The following GNG4 variants were observed in gnomAD, a reference collection of about 807,000 sequenced individuals.
GNG4 encodes G protein subunit gamma 4, also known as guanine nucleotide-binding protein G(I)/G(S)/G(O) subunit gamma-4.
A neutral mutation model predicts 5.8 loss-of-function variants in GNG4; 4 were observed. The ratio of observed to expected loss-of-function variants is 0.69; its 90% CI spans 0.34 to 1.57. The LOEUF (loss-of-function observed/expected upper bound fraction) is 1.57. Ranked by LOEUF, GNG4 falls within the 40% of genes most tolerant of loss-of-function variation. The probability of loss-of-function intolerance (pLI) is 0.06; values close to 1 mark genes in which losing one functional copy is unlikely to be tolerated. For synonymous variants in GNG4, 29 were observed against 32.9 expected, an observed-to-expected ratio of 0.88 and a Z score of 0.41; for missense variants, 96 against 95.1, an observed-to-expected ratio of 1.01 and a Z score of -0.04.
At chr1:235,620,893 A>G (rs1033601872) in intron 1 of GNG4, among the ~76,000 whole-genome samples, 9 of 152,190 alleles carry the variant, frequency 5.9e-5, no homozygotes, top group Non-Finnish European at 1.2e-4. Flanking sequence ...CAGTTGTTCT[A>G]AAGACTTTTC....
intron 3 of GNG4, among the ~76,000 whole-genome samples, chr1:235,581,538 T>C (rs907598614): frequency 1.3e-5 from 2 of 150,074 alleles, no homozygotes; most frequent in African/African-American, 4.9e-5. Context: ...AAAAAAGGTG[T>C]GTATCGCCTC....
intron 3 of GNG4, among the ~76,000 whole-genome samples, chr1:235,553,501 A>G (rs1359098618): frequency 6.6e-6 from 1 of 152,218 alleles, no homozygotes; most frequent in Non-Finnish European, 1.5e-5. Flanking sequence ...AATGTTTAGA[A>G]GCCTCCAGCT....
At chr1:235,552,412 G>T (rs1379922650) in intron 3 of GNG4, among the ~76,000 whole-genome samples, 175 bp from the exon 4 acceptor site, 1 of 152,156 alleles carries the variant, frequency 6.6e-6, no homozygotes, top group African/African-American at 2.4e-5. Context: ...CTAGGAGACT[G>T]GTTCGAAGCG....
chr1:235,602,301 C>T (rs778147163), intron 1 of GNG4, among the ~76,000 whole-genome samples: 2 of 151,942 alleles, frequency 1.3e-5, no homozygotes, highest in Non-Finnish European at 2.9e-5. Flanking sequence ...AAGCTCTGGG[C>T]GTGGGAAAGT....
chr1:235,592,190 C>T (rs1687981428), intron 2 of GNG4, among the ~76,000 whole-genome samples: 1 of 152,164 alleles, frequency 6.6e-6, no homozygotes, highest in Non-Finnish European at 1.5e-5. Context: ...GGACTCAACT[C>T]TGACTGCTGC....
rs569494929 is a variant in GNG4, at chr1:235,629,600, C to CTT, written c.-123+20060_-123+20061dup. Among the ~76,000 whole-genome samples, 10 of 139,128 alleles carry CTT rather than the reference C, an allele frequency of 7.2e-5. No individual in the cohort carries two copies. The South Asian group carries it at 1.2e-3, about 16-fold the overall frequency. The allele number at this position is 139,128 out of a possible 152,430, so 91.3% of individuals were successfully genotyped here. A position where few individuals can be genotyped will look rare whatever the true frequency, so the allele number is the denominator to read the frequency against. On this transcript the variant is annotated intron_variant, in intron 1 of 3. Transcript: ENST00000391854. ...ATTTTTCTTTCTTTTTTCTTTCTTTCTTTTTTTTTTTTTTAAGATTGAGTC... is the reference window on the plus strand; with the variant it reads ...ATTTTTCTTTCTTTTTTCTTTCTTTCTTTTTTTTTTTTTTTTAAGATTGAGTC...
intron 3 of GNG4, among the ~76,000 whole-genome samples, chr1:235,554,708 G>C (rs923614141): frequency 1.3e-5 from 2 of 152,060 alleles, no homozygotes; most frequent in Non-Finnish European, 2.9e-5. Context: ...AGCCAGGCGT[G>C]GTGGCGGGTG....
At chr1:235,566,003 T>C (rs947610074) in intron 3 of GNG4, 1 of 152,200 alleles carries the variant, frequency 6.6e-6, no homozygotes, top group Non-Finnish European at 1.5e-5. Context: ...AGAGTGAGAA[T>C]TGAGAATCTG....
intron 2 of GNG4, among the ~76,000 whole-genome samples, chr1:235,585,139 T>A (rs1687728460): frequency 1.3e-5 from 2 of 151,536 alleles, no homozygotes; most frequent in Non-Finnish European, 2.9e-5. Context: ...CCTTCCTCCC[T>A]CCCTCTGGTC....
rs1256406004 is a variant in GNG4, at chr1:235,648,115, G to C, written c.-123+1547C>G. Among the ~76,000 whole-genome samples, 1 of 151,696 alleles carries C rather than the reference G, an allele frequency of 6.6e-6. No individual in the cohort carries two copies. Among genetic ancestry groups the C allele is most frequent in the Non-Finnish European group, 1.5e-5 (1 of 68,002 alleles). The stretch of plus-strand genomic sequence containing the variant: ...ATGGCCCCTTAGCTGTGCTGTTTCT[G>C]AGCCAGGCCTACATCCTCCACTGGC... On this transcript the variant is annotated intron_variant, in intron 1 of 3. Transcript: ENST00000391854. The surrounding 1 kb of genome is among the most constrained non-coding windows in gnomAD (Gnocchi z 5.0).
intron 1 of GNG4, among the ~76,000 whole-genome samples, chr1:235,600,129 T>TTTTTTTTTTTA (rs1289825136): frequency 2.5e-4 from 28 of 113,106 alleles, no homozygotes; most frequent in African/African-American, 8.5e-4. Context: ...TTTTTTTTTT[T>TTTTTTTTTTTA]AGACAGGCAG....
intron 2 of GNG4, among the ~76,000 whole-genome samples, chr1:235,589,206 T>C (rs1263043876): frequency 6.6e-6 from 1 of 152,204 alleles, no homozygotes; most frequent in Non-Finnish European, 1.5e-5. Flanking sequence ...AAAGCTATTA[T>C]TGCCCTGCTG....
chr1:235,560,587 A>T (rs948984372), intron 3 of GNG4, among the ~76,000 whole-genome samples: 13 of 152,214 alleles, frequency 8.5e-5, no homozygotes, highest in African/African-American at 3.1e-4. Flanking sequence ...TTAATCCATT[A>T]TTCATTTGGC....
At chr1:235,570,962 CTTTTTT>C (rs544210922) in intron 3 of GNG4, among the ~76,000 whole-genome samples, 6 of 104,002 alleles carry the variant, frequency 5.8e-5, no homozygotes, top group Non-Finnish European at 1.1e-4. Context: ...ATATACATAC[CTTTTTT>C]TTTTTTTTTT....
rs367983411 is a variant in GNG4 at position 235,573,585 on chromosome 1, G to A, written c.99+10155C>T. Among the ~76,000 whole-genome samples the A allele has an allele frequency of 2.6e-5, 4 of 152,056 alleles. No homozygotes were observed. In the South Asian group the frequency reaches 8.3e-4, roughly 31 times the overall value. On this transcript the variant is annotated intron_variant, in intron 3 of 3. Transcript: ENST00000391854. The stretch of plus-strand genomic sequence containing the variant: ...GAAGTCAGGAGATCGAGACCATCCT[G>A]GGTAACACAGTGAAACCCCGTCTCT...
chr1:235,624,375 G>T (rs1219401656), intron 1 of GNG4, among the ~76,000 whole-genome samples: 1 of 151,906 alleles, frequency 6.6e-6, no homozygotes, highest in Non-Finnish European at 1.5e-5. Context: ...ACCTCCCAAA[G>T]TGTTGAGATT....
At chr1:235,613,111 AG>A (rs1217529406) in intron 1 of GNG4, among the ~76,000 whole-genome samples, 1 of 150,058 alleles carries the variant, frequency 6.7e-6, no homozygotes. Context: ...TTTTTTTTGG[AG>A]GGGTGGGGGG....
intron 1 of GNG4, among the ~76,000 whole-genome samples, chr1:235,637,274 A>G (rs1657133026): frequency 6.6e-6 from 1 of 152,212 alleles, no homozygotes; most frequent in Admixed American, 6.5e-5. Context: ...TATTTAAAAA[A>G]ACAATGCTTA....
At chr1:235,593,376 A>G (rs1688029746) in intron 2 of GNG4, among the ~76,000 whole-genome samples, 1 of 152,216 alleles carries the variant, frequency 6.6e-6, no homozygotes, top group Non-Finnish European at 1.5e-5. Context: ...CTCACGGCAC[A>G]GTACTTAGAA....
Sources: allele counts gnomAD v4.1 joint callset (sites outside exome capture counted in the v4.1 genomes callset), GRCh38; gene constraint gnomAD v4.1.1; non-coding constraint Gnocchi (gnomAD v3.1); transcripts MANE v1.5; gene names NCBI Gene and HGNC (gene_info 2026-07-23, HGNC 2026-07-21).